ARB2A: variants seen among roughly 807,000 people sequenced by gnomAD.
The protein encoded by ARB2A is ARB2 cotranscriptional regulator A, also known as cotranscriptional regulator ARB2A.
chr5:94,004,338 T>C, the ARB2A span, among the ~76,000 whole-genome samples: 2 of 152,094 alleles, frequency 1.3e-5, no homozygotes, highest in East Asian at 1.9e-4. Context: ...TTAAAAACTT[T>C]TGGGAGGCTG....
chr5:93,906,850 C>A, the ARB2A span, among the ~76,000 whole-genome samples: 1 of 151,452 alleles, frequency 6.6e-6, no homozygotes, highest in African/African-American at 2.4e-5. Flanking sequence ...AATGAATCTT[C>A]AGTACACAAG....
chr5:93,858,887 G>A, the ARB2A span, among the ~76,000 whole-genome samples: 1 of 152,086 alleles, frequency 6.6e-6, no homozygotes, highest in Middle Eastern at 3.4e-3. Context: ...AGAGGAGAGA[G>A]GGAAAAGACT....
chr5:94,073,548 TCA>T, the ARB2A span, among the ~76,000 whole-genome samples: 1 of 152,082 alleles, frequency 6.6e-6, no homozygotes, highest in Non-Finnish European at 1.5e-5. Context: ...CAATCTGAAC[TCA>T]CATACTGCTT....
the ARB2A span, chr5:93,805,632 T>C: frequency 2.0e-6 from 2 of 985,132 alleles, no homozygotes; most frequent in Non-Finnish European, 2.4e-6. Flanking sequence ...TTTCTCCAAT[T>C]TGGGTCCATA....
At chr5:93,943,900 T>C in the ARB2A span, among the ~76,000 whole-genome samples, 6 of 152,104 alleles carry the variant, frequency 3.9e-5, no homozygotes, top group African/African-American at 1.2e-4. Context: ...ATCAAAACAT[T>C]AATGGCCAGA....
At chr5:93,937,438 TA>T in the ARB2A span, among the ~76,000 whole-genome samples, 840 of 140,686 alleles carry the variant, frequency 6.0e-3, 6 homozygotes, top group African/African-American at 0.017. Context: ...CCATCTCTAT[TA>T]AAAAAAAAAA....
At chr5:94,024,206 T>C in the ARB2A span, among the ~76,000 whole-genome samples, 1 of 152,162 alleles carries the variant, frequency 6.6e-6, no homozygotes, top group Non-Finnish European at 1.5e-5. Context: ...GAGAGTCACA[T>C]TTAAATTGGT....
the ARB2A span, among the ~76,000 whole-genome samples, chr5:94,012,214 A>G: frequency 1.3e-5 from 2 of 152,118 alleles, no homozygotes; most frequent in Non-Finnish European, 2.9e-5. Context: ...CATCCTGGCT[A>G]ACACGGTGAA....
At chr5:93,947,555 G>A in the ARB2A span, among the ~76,000 whole-genome samples, 2 of 150,994 alleles carry the variant, frequency 1.3e-5, no homozygotes, top group Non-Finnish European at 2.9e-5. Flanking sequence ...TAGGGTACAT[G>A]TGCACAATGT....
the ARB2A span, among the ~76,000 whole-genome samples, chr5:93,675,977 C>A: frequency 1.5e-4 from 23 of 152,196 alleles, no homozygotes; most frequent in African/African-American, 5.1e-4. Flanking sequence ...GGGAGCTTAG[C>A]AAATCAAACT....
the ARB2A span, among the ~76,000 whole-genome samples, chr5:94,019,377 A>T: frequency 1.3e-5 from 2 of 152,068 alleles, no homozygotes; most frequent in Admixed American, 6.6e-5. Flanking sequence ...ATGGGAAAAA[A>T]TTTTTGCAAT....
chr5:93,721,630 G>T, the ARB2A span, among the ~76,000 whole-genome samples: 1 of 152,236 alleles, frequency 6.6e-6, no homozygotes, highest in Non-Finnish European at 1.5e-5. Flanking sequence ...TTATATAGCT[G>T]TGTTTCCCAA....
the ARB2A span, among the ~76,000 whole-genome samples, chr5:94,035,371 T>C: frequency 6.6e-6 from 1 of 152,152 alleles, no homozygotes; most frequent in Admixed American, 6.6e-5. Context: ...TCCCAAAATA[T>C]TGTTATCTGC....
At chr5:93,909,551 T>C in the ARB2A span, among the ~76,000 whole-genome samples, 7 of 150,954 alleles carry the variant, frequency 4.6e-5, no homozygotes, top group African/African-American at 1.7e-4. Flanking sequence ...TATTTCCCCA[T>C]GATCACCTCT....
At chr5:93,996,006 A>G in the ARB2A span, among the ~76,000 whole-genome samples, 1 of 152,160 alleles carries the variant, frequency 6.6e-6, no homozygotes, top group Non-Finnish European at 1.5e-5. Flanking sequence ...ATATTATAGA[A>G]GCATAGAACT....
the ARB2A span, among the ~76,000 whole-genome samples, chr5:93,719,840 A>C: frequency 5.4e-3 from 821 of 152,304 alleles, 6 homozygotes; most frequent in African/African-American, 0.019. Flanking sequence ...AGTAATACAG[A>C]TAGAAAATCC....
chr5:93,736,944 T>C, the ARB2A span: 1 of 152,148 alleles, frequency 6.6e-6, no homozygotes, highest in African/African-American at 2.4e-5. Context: ...GTACTACACA[T>C]TTTTGCCAGA....
At chr5:93,744,414 G>A in the ARB2A span, among the ~76,000 whole-genome samples, 2 of 110,052 alleles carry the variant, frequency 1.8e-5, no homozygotes, top group East Asian at 2.8e-4. Flanking sequence ...CAGCCTGGGC[G>A]ACAGAGTGAG....
chr5:93,987,179 C>A, the ARB2A span, among the ~76,000 whole-genome samples: 1 of 152,030 alleles, frequency 6.6e-6, no homozygotes, highest in African/African-American at 2.4e-5. Flanking sequence ...GTCATCTTTC[C>A]CTCTTAATGT....
Sources: gnomAD v4.1 joint callset for allele counts (sites outside exome capture counted in the v4.1 genomes callset) on GRCh38, gnomAD v4.1.1 for gene constraint, MANE v1.5 for transcripts, NCBI Gene and HGNC (gene_info 2026-07-23, HGNC 2026-07-21) for gene names.